Variants in TBC1D5 observed in about 807,000 individuals in gnomAD.
The protein encoded by TBC1D5 is TBC1 domain family, member 5.
A neutral mutation model predicts 100.3 loss-of-function variants in TBC1D5; 75 were observed. The ratio of observed to expected loss-of-function variants is 0.75; its 90% CI spans 0.62 to 0.91. The LOEUF (loss-of-function observed/expected upper bound fraction) is 0.91. TBC1D5 is among the 40% of genes least tolerant of loss of function. The pLI is 0.00. For synonymous variants in TBC1D5, 323 were observed against 325.6 expected, an observed-to-expected ratio of 0.99 and a Z score of 0.09; for missense variants, 910 against 942.4, an observed-to-expected ratio of 0.97 and a Z score of 0.45.
At position 17,291,890 on chromosome 3, in the gene TBC1D5, C is replaced by T. The variant is rs370529919; in HGVS notation, c.1245+5G>A. 23 of 1,611,966 alleles carry T rather than the reference C, an allele frequency of 1.4e-5. No individual in the cohort carries two copies. The highest frequency in any genetic ancestry group is 3.3e-5 in the Admixed American group (2 of 59,704). The stretch of plus-strand genomic sequence containing the variant: ...AATTATGCATACCCTACTGGGGAAG[C>T]TTACCTTTGGATCTCTAAGGAACAG... On this transcript the variant is annotated splice_donor_5th_base_variant and intron_variant, in intron 15 of 21. Coordinates refer to ENST00000253692, the Ensembl canonical transcript of TBC1D5.
intron 19 of TBC1D5, among the ~76,000 whole-genome samples, chr3:17,179,177 C>T (rs999735523): frequency 2.0e-5 from 3 of 152,198 alleles, no homozygotes; most frequent in African/African-American, 7.2e-5. Context: ...ATAGAGGACT[C>T]TGCTACCCGC....
intron 3 of TBC1D5, among the ~76,000 whole-genome samples, chr3:17,476,336 T>C (rs984662882): frequency 1.3e-5 from 2 of 152,052 alleles, no homozygotes; most frequent in African/African-American, 4.8e-5. Flanking sequence ...AGAAAATAAT[T>C]CATTTTTGTT....
intron 2 of TBC1D5, among the ~76,000 whole-genome samples, chr3:17,533,510 T>A (rs1015747851): frequency 2.0e-5 from 3 of 152,156 alleles, no homozygotes; most frequent in Admixed American, 6.6e-5. Flanking sequence ...AACTGCTTTA[T>A]GAAGTAAAAA....
intron 2 of TBC1D5, among the ~76,000 whole-genome samples, chr3:17,593,325 T>C (rs187206620): frequency 6.6e-6 from 1 of 152,118 alleles, no homozygotes; most frequent in Non-Finnish European, 1.5e-5. Context: ...AAAGTGGTCA[T>C]GGTGGCAGGG....
intron 14 of TBC1D5, among the ~76,000 whole-genome samples, chr3:17,303,466 T>C (rs1194312318): frequency 6.6e-6 from 1 of 152,172 alleles, no homozygotes; most frequent in Non-Finnish European, 1.5e-5. Flanking sequence ...GCTCATTACA[T>C]TTCCTTCTAC....
intron 3 of TBC1D5, among the ~76,000 whole-genome samples, chr3:17,431,741 T>G (rs1169382260): frequency 2.0e-5 from 3 of 152,062 alleles, no homozygotes; most frequent in African/African-American, 7.2e-5. Flanking sequence ...TAATATTGCT[T>G]AATAGTAATT....
intron 1 of TBC1D5, among the ~76,000 whole-genome samples, chr3:17,675,147 T>C (rs1258537084): frequency 6.6e-6 from 1 of 152,018 alleles, no homozygotes. Flanking sequence ...TTAAGAACGT[T>C]TCTAACAAGT....
exon 17 of TBC1D5, chr3:17,238,414 T>G (rs771051802): frequency 1.2e-6 from 2 of 1,607,228 alleles, no homozygotes; most frequent in African/African-American, 2.7e-5. Flanking sequence ...ACCTTTGGCA[T>G]TGGTCCTGTT....
At chr3:17,372,378 T>G in intron 12 of TBC1D5, 131 bp from the exon 13 acceptor site, 1 of 758,668 alleles carries the variant, frequency 1.3e-6, no homozygotes, top group Non-Finnish European at 1.9e-6. Flanking sequence ...TAAAAAAAGG[T>G]GAGAGCACCA....
At chr3:17,226,173 A>G (rs982344591) in intron 17 of TBC1D5, among the ~76,000 whole-genome samples, 2 of 150,238 alleles carry the variant, frequency 1.3e-5, no homozygotes, top group African/African-American at 2.5e-5. Flanking sequence ...ATCTGATCAC[A>G]TTTGTATAGC....
chr3:17,201,787 C>T (rs1032074480), intron 18 of TBC1D5, among the ~76,000 whole-genome samples: 1 of 152,154 alleles, frequency 6.6e-6, no homozygotes. Context: ...ATTGAAGTTT[C>T]CTGAGGCCTC....
At chr3:17,489,837 T>C (rs74999637) in intron 3 of TBC1D5, among the ~76,000 whole-genome samples, 9,900 of 152,250 alleles carry the variant, frequency 0.065, 608 homozygotes, top group African/African-American at 0.17. Context: ...TGTATCGTTG[T>C]AATAGATTGA....
chr3:17,622,164 T>G (rs150364791), intron 2 of TBC1D5, among the ~76,000 whole-genome samples: 42 of 152,310 alleles, frequency 2.8e-4, no homozygotes, highest in African/African-American at 9.9e-4. Context: ...CATCAGATTC[T>G]CATAAGGAAT....
At chr3:17,338,656 G>C (rs1365630089) in intron 13 of TBC1D5, 1 of 152,202 alleles carries the variant, frequency 6.6e-6, no homozygotes, top group African/African-American at 2.4e-5. Flanking sequence ...TGATATTAAA[G>C]TGGTAATATT....
chr3:17,437,576 G>C (rs2094558532), intron 3 of TBC1D5, among the ~76,000 whole-genome samples: 1 of 151,112 alleles, frequency 6.6e-6, no homozygotes, highest in African/African-American at 2.4e-5. Context: ...GTGTGTGTGT[G>C]TGTGTGTGGT....
chr3:17,294,457 C>T (rs1416963984), intron 14 of TBC1D5, among the ~76,000 whole-genome samples: 1 of 152,126 alleles, frequency 6.6e-6, no homozygotes, highest in African/African-American at 2.4e-5. Flanking sequence ...TCCTGTAGAA[C>T]AGACTGATTT....
intron 13 of TBC1D5, among the ~76,000 whole-genome samples, chr3:17,332,222 G>A (rs548036971): frequency 3.3e-5 from 5 of 152,188 alleles, no homozygotes; most frequent in South Asian, 2.1e-4. Context: ...TTGAAGATAC[G>A]GCCAATGTGA....
chr3:17,360,307 A>C (rs1271114444), intron 13 of TBC1D5, among the ~76,000 whole-genome samples: 1 of 152,062 alleles, frequency 6.6e-6, no homozygotes, highest in Non-Finnish European at 1.5e-5. Flanking sequence ...AAAGAACCAC[A>C]ACCACTGTAA....
chr3:17,304,268 A>T (rs1015855891), intron 14 of TBC1D5, among the ~76,000 whole-genome samples: 1 of 152,130 alleles, frequency 6.6e-6, no homozygotes, highest in Non-Finnish European at 1.5e-5. Context: ...GCCCAATTCT[A>T]GATGCTGGTA....
Sources: allele counts gnomAD v4.1 joint callset (sites outside exome capture counted in the v4.1 genomes callset), GRCh38; gene constraint gnomAD v4.1.1; transcripts MANE v1.5; gene names NCBI Gene and HGNC (gene_info 2026-07-23, HGNC 2026-07-21).